ASIC2: variants seen among roughly 807,000 people sequenced by gnomAD.
ASIC2 encodes the protein acid sensing ion channel subunit 2.
A neutral mutation model predicts 57.3 loss-of-function variants in ASIC2; 25 were observed. That is an observed-to-expected ratio of 0.44 (90% CI 0.32 to 0.61). The LOEUF is 0.61. Ranked by LOEUF, ASIC2 falls within the 20% of genes least tolerant of loss-of-function variation. The pLI is 0.06. For synonymous variants in ASIC2, 319 were observed against 307.5 expected, an observed-to-expected ratio of 1.04 and a Z score of -0.39; for missense variants, 641 against 738.1, an observed-to-expected ratio of 0.87 and a Z score of 1.52.
At chr17:33,616,423 G>C (rs1043620480) in intron 1 of ASIC2, among the ~76,000 whole-genome samples, 6 of 152,314 alleles carry the variant, frequency 3.9e-5, no homozygotes, top group Admixed American at 3.3e-4. Context: ...ATAGCTTGGT[G>C]TTTCCAAATG....
chr17:33,987,837 TA>T (rs758496041), intron 1 of ASIC2, among the ~76,000 whole-genome samples: 40 of 152,232 alleles, frequency 2.6e-4, no homozygotes, highest in African/African-American at 9.4e-4. Flanking sequence ...AATAACATGA[TA>T]AAAAAGACAA....
intron 1 of ASIC2, among the ~76,000 whole-genome samples, chr17:33,134,679 T>C (rs1053341373): frequency 7.2e-5 from 11 of 152,252 alleles, no homozygotes; most frequent in African/African-American, 2.7e-4. Context: ...GCACTGGTTG[T>C]CCTGCCTGAG....
chr17:33,736,776 G>T (rs1449146051), intron 1 of ASIC2, among the ~76,000 whole-genome samples: 1 of 149,436 alleles, frequency 6.7e-6, no homozygotes, highest in African/African-American at 2.5e-5. Flanking sequence ...ACCATATATG[G>T]AAACATGTAC....
intron 1 of ASIC2, among the ~76,000 whole-genome samples, chr17:33,315,110 C>G (rs964398500): frequency 6.6e-6 from 1 of 152,156 alleles, no homozygotes; most frequent in Non-Finnish European, 1.5e-5. Context: ...CTTCAGTCTT[C>G]TCATCTGTAT....
intron 1 of ASIC2, among the ~76,000 whole-genome samples, chr17:33,334,428 G>A (rs979841003): frequency 2.2e-4 from 33 of 152,140 alleles, no homozygotes; most frequent in Non-Finnish European, 7.3e-5. Context: ...ACTTCTCTCT[G>A]CAGCGGCTTC....
chr17:34,026,485 G>A (rs1907384546), intron 1 of ASIC2, among the ~76,000 whole-genome samples: 1 of 152,064 alleles, frequency 6.6e-6, no homozygotes, highest in African/African-American at 2.4e-5. Flanking sequence ...CCATAACCTG[G>A]GGAGACTGGG....
chr17:34,088,323 C>T (rs1193266911), intron 1 of ASIC2, among the ~76,000 whole-genome samples: 1 of 152,212 alleles, frequency 6.6e-6, no homozygotes, highest in African/African-American at 2.4e-5. Flanking sequence ...CCCTGTTTGC[C>T]TGGGTATCAG....
intron 1 of ASIC2, among the ~76,000 whole-genome samples, chr17:33,744,015 C>CA (rs1391811242): frequency 6.6e-6 from 1 of 152,164 alleles, no homozygotes; most frequent in Non-Finnish European, 1.5e-5. Context: ...AGTAATGGCT[C>CA]AGAGATTTTG....
intron 7 of ASIC2, among the ~76,000 whole-genome samples, chr17:33,018,715 A>G (rs1239740344): frequency 6.6e-6 from 1 of 151,882 alleles, no homozygotes; most frequent in Non-Finnish European, 1.5e-5. Flanking sequence ...TCTCCAAAGG[A>G]TATTTGGTGG....
chr17:33,042,763 A>C (rs1021092907), intron 3 of ASIC2, among the ~76,000 whole-genome samples: 2 of 152,204 alleles, frequency 1.3e-5, no homozygotes, highest in Admixed American at 6.5e-5. Context: ...AGCAGGGTGG[A>C]GTCCACAGGA....
intron 1 of ASIC2, among the ~76,000 whole-genome samples, chr17:33,403,141 T>C (rs576975004): frequency 2.6e-5 from 4 of 152,356 alleles, no homozygotes; most frequent in African/African-American, 9.6e-5. Flanking sequence ...CCATTGCTAG[T>C]GACCATGCAG....
At chr17:34,039,825 C>A (rs1441550502) in intron 1 of ASIC2, 10 of 1,608,482 alleles carry the variant, frequency 6.2e-6, no homozygotes, top group Non-Finnish European at 1.7e-6. Context: ...ACCTGGCCTC[C>A]AATAATTTCT....
chr17:33,913,553 G>A (rs774192174), intron 1 of ASIC2, among the ~76,000 whole-genome samples: 11 of 152,102 alleles, frequency 7.2e-5, no homozygotes, highest in Non-Finnish European at 1.3e-4. Flanking sequence ...TGAATTCCAG[G>A]ACTTCACTAC....
rs146017704 is a variant in ASIC2, at chr17:34,111,255, T to C, written c.555+44723A>G. 4.9e-4 allele frequency among the ~76,000 whole-genome samples: 72 copies of C among 148,260 alleles called. No homozygotes were observed. The East Asian group carries it at 0.012, about 25-fold the overall frequency. On this transcript the variant is annotated intron_variant, in intron 1 of 9. Transcript: ENST00000359872. ...AAACATATATATACACACATATATA[T>C]AATAGTATATATTATATACAACATA...
chr17:33,595,672 C>T (rs1033531585), intron 1 of ASIC2, among the ~76,000 whole-genome samples: 9 of 152,224 alleles, frequency 5.9e-5, no homozygotes, highest in African/African-American at 1.9e-4. Context: ...GGGTAAGTTA[C>T]TCAGCATCCC....
chr17:33,985,463 G>A (rs887665885), intron 1 of ASIC2, among the ~76,000 whole-genome samples: 2 of 152,138 alleles, frequency 1.3e-5, no homozygotes, highest in Non-Finnish European at 2.9e-5. Context: ...TGATGCAACC[G>A]GTCTACAGGC....
At chr17:33,306,610 A>T (rs1018009471) in intron 1 of ASIC2, among the ~76,000 whole-genome samples, 2 of 152,112 alleles carry the variant, frequency 1.3e-5, no homozygotes, top group Non-Finnish European at 2.9e-5. Flanking sequence ...ATCATTCTCA[A>T]GTGCATGGCC....
chr17:33,229,228 G>A (rs565715505), intron 1 of ASIC2, among the ~76,000 whole-genome samples: 1 of 152,302 alleles, frequency 6.6e-6, no homozygotes, highest in African/African-American at 2.4e-5. Context: ...AAAGTGGAAT[G>A]AAAATGGAAC....
chr17:33,871,976 A>G (rs1002776657), intron 1 of ASIC2, among the ~76,000 whole-genome samples: 1 of 152,052 alleles, frequency 6.6e-6, no homozygotes, highest in African/African-American at 2.4e-5. Flanking sequence ...CATGTTCTTG[A>G]TGAGCCATGC....
Sources: gnomAD v4.1 joint callset for allele counts (sites outside exome capture counted in the v4.1 genomes callset) on GRCh38, gnomAD v4.1.1 for gene constraint, MANE v1.5 for transcripts, NCBI Gene and HGNC (gene_info 2026-07-23, HGNC 2026-07-21) for gene names.